The following ZNF644 variants were observed in gnomAD, a reference collection of about 807,000 sequenced individuals.
ZNF644 encodes the protein zinc finger protein 644, also known as zinc finger motif enhancer binding protein 2.
ZNF644 carries 20 observed loss-of-function variants against 108.0 expected under a neutral mutation model. That is an observed-to-expected ratio of 0.19 (90% CI 0.13 to 0.27). The LOEUF is 0.27. ZNF644 is among the 10% of genes least tolerant of loss of function. The pLI is 1.00. For synonymous variants in ZNF644, 542 were observed against 539.1 expected, an observed-to-expected ratio of 1.01 and a Z score of -0.08; for missense variants, 1,338 against 1,548.9, an observed-to-expected ratio of 0.86 and a Z score of 2.29.
chr1:90,967,085 T>C (rs896438465), intron 2 of ZNF644, among the ~76,000 whole-genome samples: 2 of 152,170 alleles, frequency 1.3e-5, no homozygotes, highest in Non-Finnish European at 2.9e-5. Context: ...TTTTATACAG[T>C]TGAAATGGCT....
intron 2 of ZNF644, among the ~76,000 whole-genome samples, chr1:90,959,302 C>T (rs1312323337): frequency 1.3e-5 from 2 of 152,130 alleles, no homozygotes; most frequent in Non-Finnish European, 2.9e-5. Context: ...GACCCTCATA[C>T]ACTGCTGGTG....
chr1:90,944,171 G>T (rs1652291945), intron 2 of ZNF644, among the ~76,000 whole-genome samples: 1 of 152,116 alleles, frequency 6.6e-6, no homozygotes, highest in Non-Finnish European at 1.5e-5. Flanking sequence ...TGGTGTTAGA[G>T]GTTTAGAGAT....
chr1:90,960,431 T>C (rs1654219114), intron 2 of ZNF644, among the ~76,000 whole-genome samples: 1 of 152,086 alleles, frequency 6.6e-6, no homozygotes, highest in South Asian at 2.1e-4. Flanking sequence ...CTGACAGCAA[T>C]AAGGTTTGGT....
intron 2 of ZNF644, among the ~76,000 whole-genome samples, chr1:90,964,618 C>T (rs1654656215): frequency 6.6e-6 from 1 of 152,132 alleles, no homozygotes; most frequent in Non-Finnish European, 1.5e-5. Flanking sequence ...CAATGTGATT[C>T]ATTTTTAAGC....
At chr1:90,983,937 GGAA>G (rs1206647095) in intron 1 of ZNF644, among the ~76,000 whole-genome samples, 5 of 152,130 alleles carry the variant, frequency 3.3e-5, no homozygotes, top group East Asian at 1.9e-4. Flanking sequence ...CCAAAAAAGA[GGAA>G]GAAGAAGAAG....
chr1:90,997,756 C>T (rs866737104), intron 1 of ZNF644, among the ~76,000 whole-genome samples: 67 of 152,254 alleles, frequency 4.4e-4, no homozygotes, highest in Middle Eastern at 6.8e-3. Context: ...TCGCCTCACC[C>T]GGGAAGTGCA....
In ZNF644 at chr1:90,959,133, T is replaced by A. The variant is rs558306481; in HGVS notation, c.45-17824A>T. ...CAGATATTTCTCAAAAAAAGATATA[T>A]AAATGACCAAGCCCATAAAAAGACG... On this transcript the variant is annotated intron_variant, in intron 2 of 5. Transcript: ENST00000337393. Among the ~76,000 whole-genome samples the A allele has an allele frequency of 1.6e-4, 25 of 152,170 alleles. No individual in the cohort carries two copies. The South Asian group carries it at 4.3e-3, about 26-fold the overall frequency.
chr1:90,997,592 G>A (rs35438076), intron 1 of ZNF644, among the ~76,000 whole-genome samples: 23,903 of 151,828 alleles, frequency 0.16, 2,152 homozygotes, highest in Middle Eastern at 0.28. Flanking sequence ...CAAGATGGCC[G>A]AAAAGGAACA....
At chr1:90,977,556 C>G (rs557465137) in intron 2 of ZNF644, among the ~76,000 whole-genome samples, 1 of 152,244 alleles carries the variant, frequency 6.6e-6, no homozygotes, top group Non-Finnish European at 1.5e-5. Context: ...AAAATAAATA[C>G]CACTTTCCAC....
chr1:90,932,737 A>AT lies in ZNF644; in HGVS notation c.3688+4747_3688+4748insA, dbSNP rs1178006889. On this transcript the variant is annotated intron_variant, in intron 4 of 5. Transcript: ENST00000337393. ...TTCTTAGTTGGCATGAATAAGCAGCAAAGACATCTGTATAGCTCTACTGAT... is the reference window on the plus strand; with the variant it reads ...TTCTTAGTTGGCATGAATAAGCAGCATAAGACATCTGTATAGCTCTACTGAT... Among the ~76,000 whole-genome samples the AT allele has an allele frequency of 1.8e-4, 28 of 152,194 alleles. 1 individual carries two copies. The highest frequency in any genetic ancestry group is 3.4e-4 in the Non-Finnish European group (23 of 68,026).
chr1:90,964,529 A>G (rs1475439497), intron 2 of ZNF644, among the ~76,000 whole-genome samples: 2 of 152,162 alleles, frequency 1.3e-5, no homozygotes, highest in Non-Finnish European at 2.9e-5. Context: ...AGAATCAAAC[A>G]TTTACTATAT....
intron 1 of ZNF644, among the ~76,000 whole-genome samples, chr1:91,019,830 G>C (rs539427933): frequency 6.6e-6 from 1 of 152,330 alleles, no homozygotes; most frequent in South Asian, 2.1e-4. Flanking sequence ...CTCCCAAAGT[G>C]CTGGGATTAC....
chr1:90,935,414 C>T, intron 4 of ZNF644: 1 of 985,804 alleles, frequency 1.0e-6, no homozygotes, highest in Non-Finnish European at 1.2e-6. Flanking sequence ...ATACCTGTAC[C>T]AGTCAAAAGT....
intron 2 of ZNF644, among the ~76,000 whole-genome samples, chr1:90,969,111 C>T (rs1655213263): frequency 1.3e-5 from 2 of 152,190 alleles, no homozygotes; most frequent in South Asian, 2.1e-4. Context: ...TGTGTTCCCC[C>T]CAAAATTCAT....
chr1:90,978,038 T>TA (rs1198926091), intron 2 of ZNF644, among the ~76,000 whole-genome samples: 1 of 152,156 alleles, frequency 6.6e-6, no homozygotes, highest in Admixed American at 6.5e-5. Context: ...GTGACTTTTA[T>TA]AAAAAATTTA....
chr1:91,017,461 C>T (rs1660526352), intron 1 of ZNF644, among the ~76,000 whole-genome samples: 1 of 152,206 alleles, frequency 6.6e-6, no homozygotes, highest in Admixed American at 6.5e-5. Flanking sequence ...GAGAAGTGTG[C>T]ACTGCTGCTA....
intron 4 of ZNF644, among the ~76,000 whole-genome samples, chr1:90,918,852 T>C (rs1394114427): frequency 2.0e-5 from 3 of 152,064 alleles, no homozygotes; most frequent in African/African-American, 7.2e-5. Context: ...TACTAGAAAA[T>C]AAATATAAAT....
chr1:90,941,041 T>C lies in ZNF644; in HGVS notation c.313A>G (p.Ser105Gly), dbSNP rs1028639219. The C allele has an allele frequency of 6.2e-6, 10 of 1,614,006 alleles. No homozygotes were observed. The highest frequency in any genetic ancestry group is 7.6e-6 in the Non-Finnish European group (9 of 1,179,972). Reference protein sequence around the residue: ...FIHAGAPTVSSENFILPKGAA... With the variant: ...FIHAGAPTVSGENFILPKGAA... ...CCTTTAGGCAAGATAAAGTTTTCAC[T>C]AGAAACAGTAGGAGCACCAGCATGT... is the stretch of plus-strand genomic sequence containing the variant. The change falls in exon 3 of 6, where the codon AGT becomes GGT. Residue 105 changes from serine to glycine, a missense_variant. This residue lies in a region of ZNF644 where 464 missense variants were observed against 457.9 expected (regional missense o/e 1.01). Coordinates refer to ENST00000337393, the MANE Select transcript of ZNF644 (RefSeq NM_201269.3).
intron 1 of ZNF644, among the ~76,000 whole-genome samples, chr1:91,012,622 A>T (rs888240836): frequency 4.6e-5 from 7 of 152,176 alleles, no homozygotes; most frequent in African/African-American, 1.7e-4. Flanking sequence ...AGTGAAGAAA[A>T]ATATTCTACA....
Sources: gnomAD v4.1 joint callset for allele counts (sites outside exome capture counted in the v4.1 genomes callset) on GRCh38, gnomAD v4.1.1 for gene constraint, gnomAD v4.1.1 regional missense constraint, MANE v1.5 for transcripts, NCBI Gene and HGNC (gene_info 2026-07-23, HGNC 2026-07-21) for gene names.